ETNK1: variants seen among roughly 807,000 people sequenced by gnomAD.
ETNK1 encodes putative protein product of Nbla10396.
Under a neutral mutation model 45.1 loss-of-function variants are expected in ETNK1, and 8 were observed. The ratio of observed to expected loss-of-function variants is 0.18; its 90% CI spans 0.10 to 0.32. The LOEUF is 0.32. Among genes scored for constraint, ETNK1 ranks in the 10% least tolerant of loss-of-function variants. The pLI is 1.00. For missense variants in ETNK1, 302 were observed against 430.6 expected (o/e 0.70, Z 2.64); for synonymous variants, 152 against 151.9 (o/e 1.00, Z -0.01).
At chr12:22,675,016 T>C (rs1405523300) in intron 6 of ETNK1, among the ~76,000 whole-genome samples, 1 of 152,246 alleles carries the variant, frequency 6.6e-6, no homozygotes, top group Non-Finnish European at 1.5e-5. Context: ...ATAACTCTTT[T>C]GGTGGTAAAA....
intron 6 of ETNK1, among the ~76,000 whole-genome samples, chr12:22,673,937 C>T (rs1254364445): frequency 6.6e-6 from 1 of 152,136 alleles, no homozygotes; most frequent in Non-Finnish European, 1.5e-5. Flanking sequence ...AGATTCTTAT[C>T]AGGGTTAAGA....
intron 1 of ETNK1, among the ~76,000 whole-genome samples, chr12:22,639,876 A>G (rs956499210): frequency 6.6e-6 from 1 of 152,128 alleles, no homozygotes; most frequent in Admixed American, 6.5e-5. Flanking sequence ...TGTTTCCTGA[A>G]TACTTTTTCT....
chr12:22,656,715 C>T, intron 2 of ETNK1: 1 of 985,048 alleles, frequency 1.0e-6, no homozygotes, highest in South Asian at 4.7e-5. Context: ...TTGTAAGAGA[C>T]CCCAAATCAG....
chr12:22,641,802 T>C (rs1010360201), intron 1 of ETNK1, among the ~76,000 whole-genome samples: 3 of 152,218 alleles, frequency 2.0e-5, no homozygotes, highest in Non-Finnish European at 4.4e-5. Context: ...TATCTTTTTA[T>C]TCTAGCGGTT....
intron 2 of ETNK1, 188 bp downstream of exon 2, chr12:22,644,210 G>GT (rs755187093): frequency 1.3e-5 from 20 of 1,596,246 alleles, no homozygotes; most frequent in Admixed American, 1.7e-5. Context: ...TATATTTGCA[G>GT]TTTATCATCG....
chr12:22,682,730 CCTTGA>C (rs79664381), intron 6 of ETNK1, among the ~76,000 whole-genome samples: 6,173 of 152,208 alleles, frequency 0.041, 202 homozygotes, highest in East Asian at 0.17. Context: ...GCTACCACTG[CCTTGA>C]CTTAAGGTAA....
intron 1 of ETNK1, chr12:22,638,439 A>G (rs1046613809): frequency 6.6e-6 from 1 of 152,266 alleles, no homozygotes; most frequent in Non-Finnish European, 1.5e-5. Flanking sequence ...TTTAGTAGAG[A>G]CAGTGTTTCA....
intron 4 of ETNK1, among the ~76,000 whole-genome samples, chr12:22,667,176 T>C (rs138724622): frequency 6.6e-6 from 1 of 152,222 alleles, no homozygotes; most frequent in African/African-American, 2.4e-5. Context: ...ATATAGGTAC[T>C]AGTTTGTTTG....
At chr12:22,629,594 CTGTGT>C (rs369686280) in intron 1 of ETNK1, among the ~76,000 whole-genome samples, 6 of 152,016 alleles carry the variant, frequency 3.9e-5, no homozygotes, top group African/African-American at 1.4e-4. Flanking sequence ...TATACAATTG[CTGTGT>C]TAAGTTATGT....
intron 1 of ETNK1, among the ~76,000 whole-genome samples, chr12:22,642,402 CTT>C (rs1953751025): frequency 6.6e-6 from 1 of 151,740 alleles, no homozygotes; most frequent in South Asian, 2.1e-4. Flanking sequence ...TTCATACAGT[CTT>C]TTTGAAATCT....
chr12:22,664,713 A>T (rs999503821), intron 4 of ETNK1, among the ~76,000 whole-genome samples: 44 of 152,122 alleles, frequency 2.9e-4, no homozygotes, highest in Admixed American at 5.2e-4. Flanking sequence ...TGAGATTAAG[A>T]TAATTTCCAT....
rs1055714087 is a variant in ETNK1, at chr12:22,625,281, T to C, written c.-150T>C. 57 of 1,607,896 alleles carry C rather than the reference T, an allele frequency of 3.5e-5. No individual in the cohort carries two copies. Among genetic ancestry groups the C allele is most frequent in the Non-Finnish European group, 4.8e-5 (56 of 1,178,230 alleles). ...CGGCAACAGTGCCGCCTCCAGACGTTCTCCTGCCGCTCGCCCGCCCGTCCC... is the reference window on the plus strand; with the variant it reads ...CGGCAACAGTGCCGCCTCCAGACGTCCTCCTGCCGCTCGCCCGCCCGTCCC... On this transcript the variant is annotated 5_prime_UTR_variant, in exon 1 of 8. Coordinates refer to ENST00000266517, the MANE Select transcript of ETNK1 (RefSeq NM_018638.5).
intron 2 of ETNK1, among the ~76,000 whole-genome samples, chr12:22,653,079 T>C (rs1229062516): frequency 6.6e-6 from 1 of 152,180 alleles, no homozygotes; most frequent in Non-Finnish European, 1.5e-5. Flanking sequence ...CCAGTACATT[T>C]TGTTGTCCTT....
chr12:22,661,272 C>T (rs1592130119), intron 4 of ETNK1, 67 bp downstream of exon 4: 1 of 1,337,416 alleles, frequency 7.5e-7, no homozygotes, highest in Admixed American at 2.6e-5. Context: ...CATTTTATCT[C>T]TATATCAACA....
intron 2 of ETNK1, among the ~76,000 whole-genome samples, chr12:22,648,204 A>G (rs1444251121): frequency 6.6e-6 from 1 of 151,846 alleles, no homozygotes; most frequent in Non-Finnish European, 1.5e-5. Flanking sequence ...ACATAAACCT[A>G]TATTGATGCA....
intron 5 of ETNK1, among the ~76,000 whole-genome samples, chr12:22,672,117 A>G (rs1337708065): frequency 1.3e-5 from 2 of 152,082 alleles, no homozygotes; most frequent in Non-Finnish European, 2.9e-5. Context: ...ATATTAGTTC[A>G]CTAAAAAGTT....
In ETNK1 at chr12:22,684,996, T is replaced by G. The variant is rs1285156741; in HGVS notation, c.*42T>G. On this transcript the variant is annotated 3_prime_UTR_variant, in exon 8 of 8. Transcript: ENST00000266517. ...TTCTCCAGTAGCTGAGCAATGCTTG[T>G]GAATCTTTTCTTAAGAAATCCCAAA... The G allele has an allele frequency of 4.5e-5, 63 of 1,405,394 alleles. No individual in the cohort carries two copies. Among genetic ancestry groups the G allele is most frequent in the Non-Finnish European group, 5.9e-5 (60 of 1,022,136 alleles). The allele number at this position is 1,405,394 out of a possible 1,614,324, so 87.1% of individuals were successfully genotyped here.
chr12:22,643,669 A>C, intron 1 of ETNK1, 94 bp from the exon 2 acceptor site: 1 of 944,832 alleles, frequency 1.1e-6, no homozygotes, highest in Non-Finnish European at 1.5e-6. Context: ...TGTTTTCTTT[A>C]ATTAGTATTT....
At position 22,656,891 on chromosome 12, in the gene ETNK1, C is replaced by T. The variant is rs540069071; in HGVS notation, c.417-2123C>T. ...TTTCTAAGATATAATATTCTGTTGA[C>T]ATAGATTGCCCCTTGTGTTTCATGT... is the stretch of plus-strand genomic sequence containing the variant. On this transcript the variant is annotated intron_variant, in intron 2 of 7. Transcript: ENST00000266517. The T allele has an allele frequency of 3.7e-5, 29 of 774,868 alleles. No individual in the cohort carries two copies. In the South Asian group the frequency reaches 1.6e-3, roughly 42 times the overall value. 48.0% of individuals were successfully genotyped at this position (774,868 alleles called of 1,614,324 possible).
Sources: allele counts gnomAD v4.1 joint callset (sites outside exome capture counted in the v4.1 genomes callset), GRCh38; gene constraint gnomAD v4.1.1; transcripts MANE v1.5; gene names NCBI Gene and HGNC (gene_info 2026-07-23, HGNC 2026-07-21).